Variants in PRKD1 observed in about 807,000 individuals in gnomAD.
PRKD1 encodes serine/threonine-protein kinase D1.
In PRKD1, 63 loss-of-function variants were observed where a neutral mutation model predicts 95.9. The observed-to-expected ratio is 0.66, with a 90% CI of 0.54 to 0.81. The LOEUF (loss-of-function observed/expected upper bound fraction) is 0.81. Among genes scored for constraint, PRKD1 ranks in the 30% least tolerant of loss-of-function variants. PRKD1 has a pLI of 0.00. For synonymous variants in PRKD1, 425 were observed against 423.1 expected, an observed-to-expected ratio of 1.00 and a Z score of -0.05; for missense variants, 1,048 against 1,165.3, an observed-to-expected ratio of 0.90 and a Z score of 1.47.
intron 2 of PRKD1, among the ~76,000 whole-genome samples, chr14:29,712,363 CA>C (rs1885374120): frequency 6.6e-6 from 1 of 152,020 alleles, no homozygotes; most frequent in Non-Finnish European, 1.5e-5. Context: ...TTATAATGAT[CA>C]GAACCTCAAG....
At chr14:29,633,392 A>G (rs1468621094) in intron 8 of PRKD1, among the ~76,000 whole-genome samples, 1 of 152,184 alleles carries the variant, frequency 6.6e-6, no homozygotes, top group Non-Finnish European at 1.5e-5. Flanking sequence ...TCTTGCTTCC[A>G]TTGGCAATGG....
At chr14:29,875,477 T>C (rs1322799617) in intron 1 of PRKD1, among the ~76,000 whole-genome samples, 2 of 152,232 alleles carry the variant, frequency 1.3e-5, no homozygotes, top group Non-Finnish European at 2.9e-5. Context: ...AAACTGTGCA[T>C]AGCTGTTTTC....
intron 1 of PRKD1, among the ~76,000 whole-genome samples, chr14:29,737,336 A>AAAAAAAAAAG: frequency 8.1e-6 from 1 of 124,004 alleles, no homozygotes; most frequent in African/African-American, 3.1e-5. Flanking sequence ...CTCAAAAAAA[A>AAAAAAAAAAG]AAAAAAAAAA....
At chr14:29,664,808 T>C (rs946335524) in intron 3 of PRKD1, among the ~76,000 whole-genome samples, 1 of 152,174 alleles carries the variant, frequency 6.6e-6, no homozygotes, top group Admixed American at 6.5e-5. Context: ...CTTTCCACAT[T>C]ATGATAAAAT....
intron 1 of PRKD1, among the ~76,000 whole-genome samples, chr14:29,813,913 T>C (rs1172669523): frequency 6.6e-6 from 1 of 152,184 alleles, no homozygotes; most frequent in Non-Finnish European, 1.5e-5. Context: ...ATCAAATTAG[T>C]TTTGCCACTG....
At chr14:29,697,504 T>C (rs923280446) in intron 2 of PRKD1, among the ~76,000 whole-genome samples, 2 of 152,226 alleles carry the variant, frequency 1.3e-5, no homozygotes, top group African/African-American at 4.8e-5. Flanking sequence ...AGATTTGCTT[T>C]TACTAACATT....
intron 6 of PRKD1, 121 bp downstream of exon 6, chr14:29,638,368 A>G (rs1392487088): frequency 1.0e-6 from 1 of 965,792 alleles, no homozygotes; most frequent in Non-Finnish European, 1.6e-6. Flanking sequence ...GCCATAATTT[A>G]CTTTAGACTG....
chr14:29,782,014 C>T (rs1889069690), intron 1 of PRKD1, among the ~76,000 whole-genome samples: 1 of 152,034 alleles, frequency 6.6e-6, no homozygotes, highest in African/African-American at 2.4e-5. Flanking sequence ...ACATGTATAC[C>T]CAGATGTGCA....
At chr14:29,875,792 A>G (rs1238066539) in intron 1 of PRKD1, among the ~76,000 whole-genome samples, 1 of 152,160 alleles carries the variant, frequency 6.6e-6, no homozygotes, top group African/African-American at 2.4e-5. Flanking sequence ...ATAACTAGTT[A>G]TTGCTACAAC....
At chr14:29,893,269 T>G (rs891687646) in intron 1 of PRKD1, among the ~76,000 whole-genome samples, 8 of 152,096 alleles carry the variant, frequency 5.3e-5, no homozygotes, top group African/African-American at 1.9e-4. Context: ...AAGAGTAGTT[T>G]ATTACCAACA....
intron 1 of PRKD1, among the ~76,000 whole-genome samples, chr14:29,891,641 G>C (rs993335761): frequency 6.6e-5 from 10 of 151,180 alleles, no homozygotes; most frequent in Non-Finnish European, 1.3e-4. Context: ...TTTACTACTG[G>C]ATGGTAAATT....
At chr14:29,861,606 G>T (rs1161774505) in intron 1 of PRKD1, among the ~76,000 whole-genome samples, 1 of 151,996 alleles carries the variant, frequency 6.6e-6, no homozygotes, top group Non-Finnish European at 1.5e-5. Flanking sequence ...ATTGACTATA[G>T]TCACCCTGTC....
At chr14:29,776,472 C>A (rs34152139) in intron 1 of PRKD1, among the ~76,000 whole-genome samples, 26,387 of 152,126 alleles carry the variant, frequency 0.17, 2,454 homozygotes, top group South Asian at 0.22. Flanking sequence ...AGCTGAAAAC[C>A]ATGGCACAAG....
Position 29,629,033 on chromosome 14 carries a change from ATACT to A in PRKD1, c.1725+4_1725+7del, listed in dbSNP as rs771980366. ...TAGCAAGTTTTATATTAGTAGGTAC[ATACT>A]TACCACATTTTCTTGAATCTGGCAA... On this transcript the variant is annotated splice_donor_5th_base_variant and intron_variant, in intron 11 of 17. Coordinates refer to ENST00000331968, the MANE Select transcript of PRKD1 (RefSeq NM_002742.3). 9.4e-6 allele frequency: 15 copies of A among 1,588,040 alleles called. No homozygotes were observed. Among genetic ancestry groups the A allele is most frequent in the African/African-American group, 1.3e-5 (1 of 74,226 alleles).
chr14:29,707,862 C>A (rs1224651681), intron 2 of PRKD1, among the ~76,000 whole-genome samples: 1 of 152,106 alleles, frequency 6.6e-6, no homozygotes, highest in Non-Finnish European at 1.5e-5. Flanking sequence ...TATTCATCAT[C>A]ATAAGATGGC....
intron 1 of PRKD1, among the ~76,000 whole-genome samples, chr14:29,806,890 CAACAATAAA>C (rs1890258042): frequency 6.6e-6 from 1 of 151,988 alleles, no homozygotes; most frequent in Non-Finnish European, 1.5e-5. Context: ...GTTCAGATCA[CAACAATAAA>C]ACCAATAAAA....
intron 1 of PRKD1, among the ~76,000 whole-genome samples, chr14:29,863,915 G>C (rs1274851601): frequency 6.6e-6 from 1 of 152,034 alleles, no homozygotes; most frequent in East Asian, 1.9e-4. Context: ...AATAACGGCA[G>C]TTTTAGCTAC....
intron 1 of PRKD1, among the ~76,000 whole-genome samples, chr14:29,769,035 A>T (rs1888388304): frequency 6.6e-6 from 1 of 152,172 alleles, no homozygotes; most frequent in African/African-American, 2.4e-5. Context: ...ATGTTAGCCT[A>T]TAAGAAGGAA....
intron 4 of PRKD1, among the ~76,000 whole-genome samples, chr14:29,653,224 G>A (rs1881620708): frequency 6.6e-6 from 1 of 152,074 alleles, no homozygotes; most frequent in Non-Finnish European, 1.5e-5. Flanking sequence ...AAAATTAAAG[G>A]ATATAAAATG....
Sources: gnomAD v4.1 joint callset for allele counts (sites outside exome capture counted in the v4.1 genomes callset) on GRCh38, gnomAD v4.1.1 for gene constraint, MANE v1.5 for transcripts, NCBI Gene and HGNC (gene_info 2026-07-23, HGNC 2026-07-21) for gene names.